DPYD: variants seen among roughly 807,000 people sequenced by gnomAD.
DPYD encodes the protein dihydropyrimidine dehydrogenase [NADP(+)].
Under a neutral mutation model 116.2 loss-of-function variants are expected in DPYD, and 109 were observed. That is an observed-to-expected ratio of 0.94 (90% CI 0.80 to 1.10). The LOEUF (loss-of-function observed/expected upper bound fraction) is 1.10, where lower values mean the gene tolerates loss of function less well. Ranked by LOEUF, DPYD falls within the 50% of genes least tolerant of loss-of-function variation. The pLI is 0.00. For missense variants in DPYD, 1,302 were observed against 1,254.5 expected (o/e 1.04, Z -0.57); for synonymous variants, 440 against 432.0 (o/e 1.02, Z -0.23).
At chr1:97,620,399 G>A (rs1656564249) in intron 8 of DPYD, among the ~76,000 whole-genome samples, 1 of 152,008 alleles carries the variant, frequency 6.6e-6, no homozygotes, top group Non-Finnish European at 1.5e-5. Context: ...TTTATTTGTA[G>A]AGATAAAGGT....
In DPYD at chr1:97,363,526, A is replaced by G. The variant is rs967522224; in HGVS notation, c.2058+10035T>C. ...ACATATGTTTATTGTAGCACTATTC[A>G]CAATAGCAAAAACTTGGAAGCAGCC... On this transcript the variant is annotated intron_variant, in intron 16 of 22. Transcript: ENST00000370192. Among the ~76,000 whole-genome samples the G allele has an allele frequency of 1.1e-4, 17 of 152,354 alleles. No homozygotes were observed. In the East Asian group the frequency reaches 3.1e-3, roughly 28 times the overall value.
chr1:97,468,712 G>T (rs898997445), intron 13 of DPYD, among the ~76,000 whole-genome samples: 2 of 152,066 alleles, frequency 1.3e-5, no homozygotes, highest in African/African-American at 4.8e-5. Flanking sequence ...TTGACCCACG[G>T]GGCTATCATT....
At chr1:97,464,911 A>T (rs1677231199) in intron 13 of DPYD, among the ~76,000 whole-genome samples, 1 of 152,154 alleles carries the variant, frequency 6.6e-6, no homozygotes, top group African/African-American at 2.4e-5. Flanking sequence ...CCAGAATGGT[A>T]GATCCTCCGA....
At chr1:97,343,876 T>A (rs948007146) in intron 16 of DPYD, among the ~76,000 whole-genome samples, 90 of 152,016 alleles carry the variant, frequency 5.9e-4, no homozygotes, top group Admixed American at 5.8e-3. Context: ...AGTCTGTAAG[T>A]CTTTAAAATT....
chr1:97,598,605 G>C (rs975436788), intron 8 of DPYD, among the ~76,000 whole-genome samples: 8 of 147,296 alleles, frequency 5.4e-5, no homozygotes, highest in Admixed American at 1.3e-4. Flanking sequence ...AAAAAGAAGG[G>C]AGGGAGGGAG....
At chr1:97,582,981 T>C (rs1653799653) in intron 10 of DPYD, among the ~76,000 whole-genome samples, 1 of 152,142 alleles carries the variant, frequency 6.6e-6, no homozygotes, top group Non-Finnish European at 1.5e-5. Flanking sequence ...TTGTTGTTTG[T>C]TTTTTGAGAT....
At chr1:97,739,907 A>AT (rs943902632) in intron 4 of DPYD, among the ~76,000 whole-genome samples, 42 of 151,540 alleles carry the variant, frequency 2.8e-4, no homozygotes, top group African/African-American at 8.0e-4. Flanking sequence ...TTAGTTGTGT[A>AT]TTTTTTTTGC....
chr1:97,665,645 T>C (rs920771076), intron 8 of DPYD, among the ~76,000 whole-genome samples: 1 of 152,202 alleles, frequency 6.6e-6, no homozygotes, highest in African/African-American at 2.4e-5. Flanking sequence ...CTATTCAATA[T>C]CCAGGTATTT....
chr1:97,849,500 ATT>A (rs879721746), intron 2 of DPYD, among the ~76,000 whole-genome samples: 1 of 143,530 alleles, frequency 7.0e-6, no homozygotes, highest in Admixed American at 7.0e-5. Flanking sequence ...TTCTACATTC[ATT>A]TTTTTTTTTT....
chr1:97,098,107 A>G (rs1472632941), intron 21 of DPYD, among the ~76,000 whole-genome samples: 1 of 152,140 alleles, frequency 6.6e-6, no homozygotes, highest in Non-Finnish European at 1.5e-5. Context: ...TCACATTGAT[A>G]TTGATGTGCT....
At position 97,767,755 on chromosome 1, in the gene DPYD, CTT is replaced by C. The variant is rs34390188; in HGVS notation, c.234-27278_234-27277del. On this transcript the variant is annotated intron_variant, in intron 3 of 22. Coordinates refer to ENST00000370192, the MANE Select transcript of DPYD (RefSeq NM_000110.4). ...TTGAAGCCACTGAGTTTGGGGCTGGCTTTTTTTTTTTTTTTTTTTTGCAGCAG... is the reference window on the plus strand; with the variant it reads ...TTGAAGCCACTGAGTTTGGGGCTGGCTTTTTTTTTTTTTTTTTTGCAGCAG... Among the ~76,000 whole-genome samples the C allele has an allele frequency of 3.1e-3, 349 of 112,412 alleles. 1 individual carries two copies. The highest frequency in any genetic ancestry group is 9.8e-3 in the African/African-American group (302 of 30,712). 73.7% of individuals were successfully genotyped at this position (112,412 alleles called of 152,430 possible).
At chr1:97,373,083 A>C (rs993720595) in intron 16 of DPYD, among the ~76,000 whole-genome samples, 85 of 152,340 alleles carry the variant, frequency 5.6e-4, no homozygotes, top group African/African-American at 1.9e-3. Context: ...AAAAATAAAA[A>C]TAGCATCAAA....
intron 20 of DPYD, among the ~76,000 whole-genome samples, chr1:97,115,173 C>G (rs1570479828): frequency 6.6e-6 from 1 of 152,202 alleles, no homozygotes; most frequent in South Asian, 2.1e-4. Flanking sequence ...AGGAGGCTCA[C>G]TCTTCACTTG....
intron 18 of DPYD, among the ~76,000 whole-genome samples, chr1:97,298,691 G>A (rs1273505100): frequency 6.6e-6 from 1 of 152,102 alleles, no homozygotes; most frequent in Non-Finnish European, 1.5e-5. Context: ...AGAGAGTTTG[G>A]TCTGATGCTT....
intron 3 of DPYD, among the ~76,000 whole-genome samples, chr1:97,775,443 T>C (rs991533716): frequency 2.6e-5 from 4 of 152,198 alleles, no homozygotes; most frequent in African/African-American, 9.6e-5. Context: ...CTTTTCTTAA[T>C]TGCTGTAGTA....
intron 3 of DPYD, among the ~76,000 whole-genome samples, chr1:97,744,356 T>A (rs972310881): frequency 7.2e-5 from 11 of 152,016 alleles, no homozygotes; most frequent in African/African-American, 2.4e-4. Flanking sequence ...TTGGTAACCA[T>A]CCACAGCATT....
intron 8 of DPYD, among the ~76,000 whole-genome samples, chr1:97,662,269 T>C (rs1659310721): frequency 6.6e-6 from 1 of 151,786 alleles, no homozygotes; most frequent in Admixed American, 6.6e-5. Context: ...CCCAAAATGC[T>C]GGGATTACAG....
At chr1:97,272,357 C>T (rs753360372) in intron 18 of DPYD, among the ~76,000 whole-genome samples, 6 of 152,058 alleles carry the variant, frequency 3.9e-5, no homozygotes, top group East Asian at 1.9e-4. Flanking sequence ...ACTGAGTAAA[C>T]GATCATCAAC....
At chr1:97,131,516 G>A (rs1474649954) in intron 20 of DPYD, among the ~76,000 whole-genome samples, 1 of 152,148 alleles carries the variant, frequency 6.6e-6, no homozygotes, top group East Asian at 1.9e-4. Flanking sequence ...AGATCAAAGA[G>A]CATGCATTGC....
Sources: gnomAD v4.1 joint callset for allele counts (sites outside exome capture counted in the v4.1 genomes callset) on GRCh38, gnomAD v4.1.1 for gene constraint, MANE v1.5 for transcripts, NCBI Gene and HGNC (gene_info 2026-07-23, HGNC 2026-07-21) for gene names.